SLC35F3: variants seen among roughly 807,000 people sequenced by gnomAD.
SLC35F3 encodes putative thiamine transporter SLC35F3.
Under a neutral mutation model 49.9 loss-of-function variants are expected in SLC35F3, and 25 were observed. The ratio of observed to expected loss-of-function variants is 0.50; its 90% CI spans 0.37 to 0.70. The LOEUF (loss-of-function observed/expected upper bound fraction) is 0.70. Ranked by LOEUF, SLC35F3 falls within the 30% of genes least tolerant of loss-of-function variation. The pLI, the probability that SLC35F3 is intolerant of heterozygous loss-of-function variation, is 0.00. For synonymous variants in SLC35F3, 275 were observed against 265.4 expected (o/e 1.04, Z -0.35); for missense variants, 525 against 639.8 (o/e 0.82, Z 1.94).
chr1:234,257,221 T>C (rs1667833225), intron 3 of SLC35F3, among the ~76,000 whole-genome samples: 1 of 152,208 alleles, frequency 6.6e-6, no homozygotes, highest in African/African-American at 2.4e-5. Flanking sequence ...GAAAATGATT[T>C]TTACATAAAT....
intron 3 of SLC35F3, among the ~76,000 whole-genome samples, chr1:234,246,873 C>T (rs1056817863): frequency 1.3e-5 from 2 of 152,162 alleles, no homozygotes; most frequent in Admixed American, 6.5e-5. Flanking sequence ...GAGGCCCTGT[C>T]GGCTGCTGTA....
At chr1:233,997,357 A>G (rs763252738) in intron 2 of SLC35F3, among the ~76,000 whole-genome samples, 8 of 152,142 alleles carry the variant, frequency 5.3e-5, no homozygotes, top group Non-Finnish European at 1.2e-4. Context: ...GTACCAATTT[A>G]CACTCCCCCC....
intron 2 of SLC35F3, among the ~76,000 whole-genome samples, chr1:234,108,512 T>TATATATTATTTATATATATAAAA (rs1327594031): frequency 0.14 from 14,688 of 102,168 alleles, 1,669 homozygotes; most frequent in Non-Finnish European, 0.21. Flanking sequence ...TATATATAAA[T>TATATATTATTTATATATATAAAA]GATATATATT....
chr1:234,197,584 GA>G (rs572296657), intron 2 of SLC35F3, among the ~76,000 whole-genome samples: 1 of 147,452 alleles, frequency 6.8e-6, no homozygotes, highest in Non-Finnish European at 1.5e-5. Flanking sequence ...ATCACTCCCT[GA>G]TGTGGAGAGG....
intron 2 of SLC35F3, among the ~76,000 whole-genome samples, chr1:233,972,411 C>T (rs1198052029): frequency 6.6e-6 from 1 of 152,120 alleles, no homozygotes. Flanking sequence ...TTCCCTGTTC[C>T]TAGATGGGTA....
At chr1:233,955,388 A>G (rs977284045) in intron 2 of SLC35F3, among the ~76,000 whole-genome samples, 2 of 151,984 alleles carry the variant, frequency 1.3e-5, no homozygotes, top group Non-Finnish European at 2.9e-5. Context: ...GTATGCCCCA[A>G]TCTGGTGAAT....
chr1:234,052,994 T>C (rs2102858481), intron 2 of SLC35F3, among the ~76,000 whole-genome samples: 2 of 152,352 alleles, frequency 1.3e-5, no homozygotes, highest in East Asian at 3.9e-4. Flanking sequence ...TGCACTGTGG[T>C]CTGAGAGACA....
chr1:234,064,783 G>A (rs1312230001), intron 2 of SLC35F3, among the ~76,000 whole-genome samples: 2 of 152,022 alleles, frequency 1.3e-5, no homozygotes, highest in Non-Finnish European at 2.9e-5. Flanking sequence ...TAGTACCTAG[G>A]GCCATAAATT....
In SLC35F3 at chr1:234,323,180, T is replaced by C; in HGVS notation, c.1410T>C (p.Ala470=). ...AGAAGGAGGAGCCTGCAGAGGGCGC[T>C]GCCGACCTGAGCTCAGGACCTCAGA... The part of the protein sequence containing the change: ...VRKKEEPAEG[A]ADLSSGPQSK... The change falls in exon 8 of 8, where the codon GCT becomes GCC. Residue 470 remains alanine, a synonymous_variant. Coordinates refer to ENST00000366618, the MANE Select transcript of SLC35F3 (RefSeq NM_173508.4). This position sits in a 1 kb window ranked among gnomAD's most constrained non-coding sequence, Gnocchi z 4.5. 6.2e-7 allele frequency: 1 copy of C among 1,614,084 alleles called. No individual in the cohort carries two copies. Among genetic ancestry groups the C allele is most frequent in the Non-Finnish European group, 8.5e-7 (1 of 1,180,020 alleles).
At chr1:234,115,298 C>A (rs1004966092) in intron 2 of SLC35F3, among the ~76,000 whole-genome samples, 4 of 152,238 alleles carry the variant, frequency 2.6e-5, no homozygotes, top group African/African-American at 9.6e-5. Flanking sequence ...TGGCTGCCCA[C>A]ACATCTGCCT....
At chr1:233,985,872 C>T (rs1663258848) in intron 2 of SLC35F3, among the ~76,000 whole-genome samples, 1 of 152,316 alleles carries the variant, frequency 6.6e-6, no homozygotes, top group South Asian at 2.1e-4. Flanking sequence ...GGTTGATGAA[C>T]TTTTAATCAA....
chr1:234,203,981 G>A (rs991758003), intron 2 of SLC35F3, among the ~76,000 whole-genome samples: 2 of 152,082 alleles, frequency 1.3e-5, no homozygotes, highest in East Asian at 3.8e-4. Flanking sequence ...GTATGCATAC[G>A]GACTATGTGG....
At chr1:233,942,024 G>C (rs1174423827) in intron 2 of SLC35F3, among the ~76,000 whole-genome samples, 1 of 144,786 alleles carries the variant, frequency 6.9e-6, no homozygotes, top group Admixed American at 7.2e-5. Context: ...TCAGTGGCAC[G>C]ATCTCGGATC....
At chr1:234,072,865 G>A (rs1198836640) in intron 2 of SLC35F3, among the ~76,000 whole-genome samples, 1 of 152,202 alleles carries the variant, frequency 6.6e-6, no homozygotes, top group Non-Finnish European at 1.5e-5. Flanking sequence ...GAGATGGGAA[G>A]ACCCTGGAAG....
At chr1:234,280,569 G>A (rs1192146393) in intron 3 of SLC35F3, among the ~76,000 whole-genome samples, 1 of 152,162 alleles carries the variant, frequency 6.6e-6, no homozygotes, top group African/African-American at 2.4e-5. Flanking sequence ...AAATGGCTGA[G>A]TAAAGCTGAA....
chr1:234,266,222 AT>A (rs1168230996), intron 3 of SLC35F3, among the ~76,000 whole-genome samples: 1 of 152,170 alleles, frequency 6.6e-6, no homozygotes, highest in African/African-American at 2.4e-5. Flanking sequence ...CAACTTAAAT[AT>A]TTTTTAAAGT....
chr1:234,267,584 G>C lies in SLC35F3; in HGVS notation c.608+35843G>C, dbSNP rs988638204. Among the ~76,000 whole-genome samples, 34 of 150,588 alleles carry C rather than the reference G, an allele frequency of 2.3e-4. 2 individuals are homozygous for C. Among genetic ancestry groups the C allele is most frequent in the African/African-American group, 7.9e-4 (32 of 40,328 alleles). ...CCTCACTTCCCAGTAGGGGCGGCCG[G>C]GCAGAGGCACCCCTCACCTCCTGGA... On this transcript the variant is annotated intron_variant, in intron 3 of 7. Coordinates refer to ENST00000366618, the MANE Select transcript of SLC35F3 (RefSeq NM_173508.4).
chr1:234,158,106 C>G (rs1488985214), intron 2 of SLC35F3, among the ~76,000 whole-genome samples: 2 of 152,158 alleles, frequency 1.3e-5, no homozygotes, highest in Non-Finnish European at 2.9e-5. Context: ...AGTGATGGTT[C>G]AGATTTCAAA....
chr1:234,083,471 A>G (rs1488241096), intron 2 of SLC35F3, among the ~76,000 whole-genome samples: 1 of 152,180 alleles, frequency 6.6e-6, no homozygotes, highest in Non-Finnish European at 1.5e-5. Flanking sequence ...GTTCCATTCT[A>G]TAGTACCCAT....
Sources: allele counts gnomAD v4.1 joint callset (sites outside exome capture counted in the v4.1 genomes callset), GRCh38; gene constraint gnomAD v4.1.1; non-coding constraint Gnocchi (gnomAD v3.1); transcripts MANE v1.5; gene names NCBI Gene and HGNC (gene_info 2026-07-23, HGNC 2026-07-21).